Variants in CEP192 observed in about 807,000 individuals in gnomAD.
CEP192 encodes the protein centrosomal protein of 192 kDa.
In CEP192, 151 loss-of-function variants were observed where a neutral mutation model predicts 271.8. The observed-to-expected ratio is 0.56, with a 90% CI of 0.49 to 0.64. The LOEUF (loss-of-function observed/expected upper bound fraction) is 0.64. Ranked by LOEUF, CEP192 falls within the 30% of genes least tolerant of loss-of-function variation. CEP192 has a pLI of 0.00. For missense variants in CEP192, 2,910 were observed against 3,020.5 expected, an observed-to-expected ratio of 0.96 and a Z score of 0.86; for synonymous variants, 995 against 1,076.5, an observed-to-expected ratio of 0.92 and a Z score of 1.48.
At chr18:13,051,365 T>TTGTGTG (rs34111719) in intron 17 of CEP192, among the ~76,000 whole-genome samples, 1 of 150,912 alleles carries the variant, frequency 6.6e-6, no homozygotes, top group African/African-American at 2.4e-5. Context: ...GTGTATGTGT[T>TTGTGTG]TGTGTGTGTG....
chr18:13,080,977 A>G (rs1327725112), intron 30 of CEP192, among the ~76,000 whole-genome samples: 2 of 152,216 alleles, frequency 1.3e-5, no homozygotes, highest in Non-Finnish European at 2.9e-5. Context: ...CTTGCATTCC[A>G]GGGATGAAGC....
intron 18 of CEP192, among the ~76,000 whole-genome samples, chr18:13,054,249 C>T (rs778098521): frequency 3.9e-5 from 6 of 152,302 alleles, no homozygotes; most frequent in Admixed American, 2.0e-4. Context: ...AGACAGTGCA[C>T]GCTTGGGCCA....
chr18:13,003,400 G>T (rs1333190675), intron 3 of CEP192, among the ~76,000 whole-genome samples: 1 of 143,554 alleles, frequency 7.0e-6, no homozygotes, highest in Non-Finnish European at 1.5e-5. Context: ...AATGAGCCGA[G>T]ATCACGCCAC....
chr18:12,993,831 A>G (rs1437834458), intron 1 of CEP192, among the ~76,000 whole-genome samples: 1 of 152,260 alleles, frequency 6.6e-6, no homozygotes, highest in Non-Finnish European at 1.5e-5. Context: ...TGTATGTGAA[A>G]TAATTAGCAC....
intron 17 of CEP192, among the ~76,000 whole-genome samples, chr18:13,051,679 G>T (rs558877916): frequency 6.6e-6 from 1 of 152,204 alleles, no homozygotes; most frequent in South Asian, 2.1e-4. Context: ...GAGTAGCTGG[G>T]ACTACAGGTG....
chr18:13,035,351 C>T (rs961346726), intron 11 of CEP192, among the ~76,000 whole-genome samples: 2 of 152,140 alleles, frequency 1.3e-5, no homozygotes, highest in Non-Finnish European at 2.9e-5. Context: ...CTTACAGTTC[C>T]ACGTGGCTAG....
intron 30 of CEP192, among the ~76,000 whole-genome samples, chr18:13,083,502 G>A (rs2038735707): frequency 6.6e-6 from 1 of 152,150 alleles, no homozygotes; most frequent in Non-Finnish European, 1.5e-5. Flanking sequence ...GTTTATTCTA[G>A]TTAGCCATTC....
intron 30 of CEP192, among the ~76,000 whole-genome samples, chr18:13,083,239 T>C (rs2038720444): frequency 3.3e-5 from 5 of 152,246 alleles, no homozygotes; most frequent in Admixed American, 2.6e-4. Flanking sequence ...CCATTCTTCC[T>C]GTCACTTTCA....
intron 40 of CEP192, among the ~76,000 whole-genome samples, chr18:13,107,020 A>G (rs2039988604): frequency 6.6e-6 from 1 of 152,266 alleles, no homozygotes. Flanking sequence ...GATTAACAGT[A>G]ATATTACCTA....
rs181009804 is a variant in CEP192, at chr18:13,115,440, G to A, written c.7290-937G>A. On this transcript the variant is annotated intron_variant, in intron 42 of 44. Coordinates refer to ENST00000506447, the MANE Select transcript of CEP192 (RefSeq NM_032142.4). ...TCAGTGTGAAAGGGGAGTGGTGGGG[G>A]GCAAGGCCAGAGCTGGGCCTAGGAG... 1.3e-3 allele frequency among the ~76,000 whole-genome samples: 193 copies of A among 152,280 alleles called. 1 individual carries two copies. Among genetic ancestry groups the A allele is most frequent in the South Asian group, 3.3e-3 (16 of 4,822 alleles).
At chr18:13,038,122 C>T (rs1266161837) in intron 12 of CEP192, among the ~76,000 whole-genome samples, 3 of 152,094 alleles carry the variant, frequency 2.0e-5, no homozygotes, top group Non-Finnish European at 2.9e-5. Context: ...TACAGGAAAG[C>T]GCTGTCATGA....
In CEP192 at chr18:13,057,749, T is replaced by C; in HGVS notation, c.4257+16T>C. ...TGGTGAAAAGGTAGCTTTCTATGTCTTTCTCATTTAACCTAACAGTTGCAT... is the reference window on the plus strand; with the variant it reads ...TGGTGAAAAGGTAGCTTTCTATGTCCTTCTCATTTAACCTAACAGTTGCAT... On this transcript the variant is annotated intron_variant, in intron 20 of 44. Transcript: ENST00000506447. The C allele has an allele frequency of 6.2e-7, 1 of 1,610,598 alleles. No individual in the cohort carries two copies. Among genetic ancestry groups the C allele is most frequent in the African/African-American group, 1.3e-5 (1 of 74,954 alleles).
chr18:13,020,467 C>T (rs552246970), intron 9 of CEP192, among the ~76,000 whole-genome samples: 53 of 152,024 alleles, frequency 3.5e-4, no homozygotes, highest in Non-Finnish European at 6.2e-4. Context: ...TTTTATTTAT[C>T]CCCTCATCCT....
chr18:12,994,584 G>A (rs1161138359), intron 1 of CEP192, among the ~76,000 whole-genome samples: 1 of 152,120 alleles, frequency 6.6e-6, no homozygotes, highest in Non-Finnish European at 1.5e-5. Flanking sequence ...TTTCAGTAGG[G>A]TAAGGTGGTA....
rs568792911 is a variant in CEP192 at position 13,122,440 on chromosome 18, G to A, written c.7476-2192G>A. ...CGTCTCAAAAAAACAAAGTAGCCGG[G>A]CCTGGTGGCATATGCCTGTAGTCCC... On this transcript the variant is annotated intron_variant, in intron 44 of 44. Transcript: ENST00000506447. 5.9e-5 allele frequency among the ~76,000 whole-genome samples: 9 copies of A among 152,200 alleles called. No homozygotes were observed. In the South Asian group the frequency reaches 6.2e-4, roughly 11 times the overall value.
intron 21 of CEP192, among the ~76,000 whole-genome samples, chr18:13,066,164 A>G (rs1241447684): frequency 6.6e-6 from 1 of 152,196 alleles, no homozygotes; most frequent in Non-Finnish European, 1.5e-5. Flanking sequence ...TTTTCCTTCC[A>G]TATTACCTTT....
intron 11 of CEP192, among the ~76,000 whole-genome samples, chr18:13,030,820 A>G (rs1434897691): frequency 3.3e-5 from 5 of 152,196 alleles, no homozygotes; most frequent in African/African-American, 7.2e-5. Flanking sequence ...AGCAAAGCCA[A>G]TGAGTGAGAA....
intron 21 of CEP192, among the ~76,000 whole-genome samples, chr18:13,066,963 C>CTGTTTG (rs1555726982): frequency 7.0e-6 from 1 of 143,416 alleles, no homozygotes; most frequent in African/African-American, 2.6e-5. Context: ...GTGAGCACGT[C>CTGTTTG]TGTGTGTGTG....
intron 44 of CEP192, among the ~76,000 whole-genome samples, chr18:13,121,461 G>A (rs2040655908): frequency 6.6e-6 from 1 of 152,160 alleles, no homozygotes; most frequent in South Asian, 2.1e-4. Context: ...AGCTTAAGGA[G>A]GCAGAAGAGT....
Sources: allele counts gnomAD v4.1 joint callset (sites outside exome capture counted in the v4.1 genomes callset), GRCh38; gene constraint gnomAD v4.1.1; transcripts MANE v1.5; gene names NCBI Gene and HGNC (gene_info 2026-07-23, HGNC 2026-07-21).